The following ROBO2 variants were observed in gnomAD, a reference collection of about 807,000 sequenced individuals.
The protein encoded by ROBO2 is roundabout guidance receptor 2.
Under a neutral mutation model 160.8 loss-of-function variants are expected in ROBO2, and 53 were observed. That is an observed-to-expected ratio of 0.33 (90% CI 0.26 to 0.41). The LOEUF is 0.41. Ranked by LOEUF, ROBO2 falls within the 10% of genes least tolerant of loss-of-function variation. The pLI is 1.00. For synonymous variants in ROBO2, 664 were observed against 611.7 expected (o/e 1.09, Z -1.26); for missense variants, 1,577 against 1,722.4 (o/e 0.92, Z 1.49).
At chr3:75,964,239 A>G (rs1949026577) in intron 2 of ROBO2, among the ~76,000 whole-genome samples, 1 of 151,792 alleles carries the variant, frequency 6.6e-6, no homozygotes, top group South Asian at 2.1e-4. Context: ...TTACATTTCA[A>G]ATTCTCTGCC....
intron 2 of ROBO2, among the ~76,000 whole-genome samples, chr3:76,797,928 A>C (rs1044611090): frequency 3.3e-5 from 5 of 151,926 alleles, no homozygotes; most frequent in Non-Finnish European, 7.4e-5. Flanking sequence ...CAAAGCCATA[A>C]TAAAAAGTCT....
intron 2 of ROBO2, among the ~76,000 whole-genome samples, chr3:76,775,907 T>C (rs545912744): frequency 6.6e-5 from 10 of 150,952 alleles, no homozygotes; most frequent in Non-Finnish European, 1.3e-4. Flanking sequence ...GGATATATTG[T>C]GTATTGTCTA....
chr3:76,712,427 C>T (rs1210567478), intron 2 of ROBO2, among the ~76,000 whole-genome samples: 2 of 152,132 alleles, frequency 1.3e-5, no homozygotes. Context: ...GTAATCTCAG[C>T]ACTTTGGGAG....
intron 2 of ROBO2, among the ~76,000 whole-genome samples, chr3:76,230,094 G>A (rs1271896221): frequency 6.6e-6 from 1 of 152,034 alleles, no homozygotes; most frequent in Non-Finnish European, 1.5e-5. Flanking sequence ...GATGCCATCA[G>A]GTGTCAGCTC....
intron 2 of ROBO2, among the ~76,000 whole-genome samples, chr3:76,334,350 T>A (rs957505914): frequency 6.6e-6 from 1 of 152,118 alleles, no homozygotes; most frequent in South Asian, 2.1e-4. Context: ...GCTTGGGATG[T>A]AGAAGTTGGT....
intron 5 of ROBO2, among the ~76,000 whole-genome samples, chr3:77,512,758 C>T (rs76328978): frequency 0.019 from 2,918 of 151,956 alleles, 104 homozygotes; most frequent in African/African-American, 0.067. Flanking sequence ...GGTTGACCTT[C>T]GGCTATTTGA....
At chr3:77,228,812 G>T (rs532597528) in intron 2 of ROBO2, among the ~76,000 whole-genome samples, 1 of 152,092 alleles carries the variant, frequency 6.6e-6, no homozygotes, top group African/African-American at 2.4e-5. Flanking sequence ...TCAATAAGAA[G>T]ACCCAATTAT....
chr3:77,602,703 A>G (rs1583220221), intron 20 of ROBO2, among the ~76,000 whole-genome samples: 1 of 84,328 alleles, frequency 1.2e-5, no homozygotes, highest in Non-Finnish European at 2.4e-5. Context: ...CGCCGCCACC[A>G]CCACCTCCTC....
chr3:76,577,585 C>A (rs888332954), intron 2 of ROBO2, among the ~76,000 whole-genome samples: 24 of 152,034 alleles, frequency 1.6e-4, no homozygotes, highest in Non-Finnish European at 2.9e-4. Context: ...TCAATCACAC[C>A]TGAAATGTAG....
intron 20 of ROBO2, among the ~76,000 whole-genome samples, chr3:77,605,452 T>G (rs1274881102): frequency 6.6e-6 from 1 of 152,048 alleles, no homozygotes; most frequent in South Asian, 2.1e-4. Flanking sequence ...AGAAGTCAGG[T>G]GTGTTGATTT....
chr3:77,001,431 A>G (rs2061332024), intron 2 of ROBO2, among the ~76,000 whole-genome samples: 1 of 152,196 alleles, frequency 6.6e-6, no homozygotes, highest in Non-Finnish European at 1.5e-5. Flanking sequence ...TGTGAGTATC[A>G]CAATAGAAAT....
intron 2 of ROBO2, among the ~76,000 whole-genome samples, chr3:76,716,348 GA>G (rs1176334439): frequency 2.0e-5 from 3 of 151,994 alleles, no homozygotes; most frequent in South Asian, 2.1e-4. Context: ...CCCAAAAGAA[GA>G]AAAAATGTAT....
At chr3:76,830,960 G>A (rs1349331782) in intron 2 of ROBO2, among the ~76,000 whole-genome samples, 2 of 152,202 alleles carry the variant, frequency 1.3e-5, no homozygotes, top group Non-Finnish European at 1.5e-5. Flanking sequence ...CTGCACTCCA[G>A]CCTGGGTGCA....
intron 2 of ROBO2, among the ~76,000 whole-genome samples, chr3:77,210,625 A>C (rs920223293): frequency 6.6e-6 from 1 of 152,138 alleles, no homozygotes; most frequent in African/African-American, 2.4e-5. Context: ...TTTAGGGTAC[A>C]TGTGCACAAC....
At chr3:76,881,113 TCCCAGA>T (rs1380617224) in intron 2 of ROBO2, among the ~76,000 whole-genome samples, 2 of 152,182 alleles carry the variant, frequency 1.3e-5, no homozygotes, top group Non-Finnish European at 2.9e-5. Flanking sequence ...TCACATAGCT[TCCCAGA>T]CCCAGAAAAT....
At chr3:77,221,996 C>A (rs545205365) in intron 2 of ROBO2, among the ~76,000 whole-genome samples, 2 of 151,362 alleles carry the variant, frequency 1.3e-5, no homozygotes, top group African/African-American at 4.8e-5. Flanking sequence ...GGGACTATAG[C>A]CACCCGCCAC....
chr3:76,759,728 AG>A (rs2108353218), intron 2 of ROBO2, among the ~76,000 whole-genome samples: 1 of 151,918 alleles, frequency 6.6e-6, no homozygotes, highest in East Asian at 2.0e-4. Context: ...TAACTTGCCT[AG>A]GGGTTAAGAA....
intron 2 of ROBO2, among the ~76,000 whole-genome samples, chr3:76,116,637 CCTT>C (rs1162731484): frequency 6.6e-6 from 1 of 152,100 alleles, no homozygotes; most frequent in African/African-American, 2.4e-5. Flanking sequence ...AGCTATTAAT[CCTT>C]CTGTTACCAG....
At chr3:76,909,654 T>C (rs190206720) in intron 2 of ROBO2, among the ~76,000 whole-genome samples, 13 of 152,336 alleles carry the variant, frequency 8.5e-5, no homozygotes, top group Admixed American at 2.0e-4. Context: ...GCGTTGTTTT[T>C]TAAATTGACA....
Sources: gnomAD v4.1 joint callset for allele counts (sites outside exome capture counted in the v4.1 genomes callset) on GRCh38, gnomAD v4.1.1 for gene constraint, MANE v1.5 for transcripts, NCBI Gene and HGNC (gene_info 2026-07-23, HGNC 2026-07-21) for gene names.